The following KCNN2 variants were observed in gnomAD, a reference collection of about 807,000 sequenced individuals.
KCNN2 encodes the protein small conductance calcium-activated potassium channel protein 2.
KCNN2 carries 24 observed loss-of-function variants against 55.5 expected under a neutral mutation model. The observed-to-expected ratio is 0.43, with a 90% CI of 0.31 to 0.61. KCNN2 has a LOEUF of 0.61. Among genes scored for constraint, KCNN2 ranks in the 20% least tolerant of loss-of-function variants. The pLI is 0.08. For missense variants in KCNN2, 754 were observed against 853.6 expected (o/e 0.88, Z 1.45); for synonymous variants, 431 against 336.1 (o/e 1.28, Z -3.09).
At chr5:114,476,726 A>T (rs531038792) in intron 5 of KCNN2, among the ~76,000 whole-genome samples, 1 of 152,244 alleles carries the variant, frequency 6.6e-6, no homozygotes, top group East Asian at 1.9e-4. Flanking sequence ...TGGCCGACAG[A>T]TCCATTTAGT....
intron 1 of KCNN2, among the ~76,000 whole-genome samples, chr5:114,220,889 A>G (rs1754124381): frequency 1.3e-5 from 2 of 152,156 alleles, no homozygotes; most frequent in Non-Finnish European, 2.9e-5. Context: ...TAGGTCGAAA[A>G]GTTCCAACAT....
At chr5:114,350,662 T>C (rs1757190660) in intron 2 of KCNN2, among the ~76,000 whole-genome samples, 1 of 151,912 alleles carries the variant, frequency 6.6e-6, no homozygotes, top group Non-Finnish European at 1.5e-5. Flanking sequence ...CAGGTTCATG[T>C]TTTTGCATGT....
intron 2 of KCNN2, among the ~76,000 whole-genome samples, chr5:114,324,064 G>A (rs537151403): frequency 1.3e-5 from 2 of 152,018 alleles, no homozygotes; most frequent in Non-Finnish European, 2.9e-5. Context: ...AGACTAACAG[G>A]TATTCACAGA....
chr5:114,196,471 C>T (rs373355745), intron 1 of KCNN2, among the ~76,000 whole-genome samples: 12 of 152,036 alleles, frequency 7.9e-5, no homozygotes, highest in East Asian at 1.9e-4. Flanking sequence ...AATTCACCAA[C>T]AGGCCAAATG....
intron 2 of KCNN2, among the ~76,000 whole-genome samples, chr5:114,312,497 T>C (rs2150026571): frequency 7.5e-6 from 1 of 133,802 alleles, no homozygotes; most frequent in Non-Finnish European, 1.6e-5. Context: ...TAGTCCATCT[T>C]CTCTTGTACA....
intron 2 of KCNN2, among the ~76,000 whole-genome samples, chr5:114,380,293 G>T (rs1758077531): frequency 1.3e-5 from 2 of 152,114 alleles, no homozygotes; most frequent in African/African-American, 2.4e-5. Flanking sequence ...CTTCTTTCTG[G>T]TGGTCCATCT....
intron 3 of KCNN2, among the ~76,000 whole-genome samples, chr5:114,432,112 A>G (rs1318423490): frequency 6.6e-6 from 1 of 152,246 alleles, no homozygotes; most frequent in African/African-American, 2.4e-5. Flanking sequence ...CCTCAATTCA[A>G]CTACGTTGTT....
At chr5:114,184,568 A>G (rs1753295136) in intron 1 of KCNN2, among the ~76,000 whole-genome samples, 1 of 152,190 alleles carries the variant, frequency 6.6e-6, no homozygotes, top group African/African-American at 2.4e-5. Context: ...TGACATTTTC[A>G]TCAAATTTGC....
intron 5 of KCNN2, among the ~76,000 whole-genome samples, chr5:114,482,817 G>A (rs1222301010): frequency 1.3e-5 from 2 of 152,118 alleles, no homozygotes; most frequent in Non-Finnish European, 2.9e-5. Context: ...ATAAGTGACA[G>A]CTGAATGATG....
At chr5:114,220,807 C>T (rs1233792781) in intron 1 of KCNN2, among the ~76,000 whole-genome samples, 1 of 122,832 alleles carries the variant, frequency 8.1e-6, no homozygotes, top group Non-Finnish European at 1.6e-5. Flanking sequence ...GCCTGCCTGA[C>T]AGAGCTAGAC....
rs566199008 is a variant in KCNN2, at chr5:114,396,791, C to T, written c.1219-7647C>T. 2.0e-4 allele frequency among the ~76,000 whole-genome samples: 31 copies of T among 152,184 alleles called. No individual in the cohort carries two copies. In the East Asian group the frequency reaches 2.7e-3, roughly 13 times the overall value. On this transcript the variant is annotated intron_variant, in intron 2 of 7. Transcript: ENST00000673685. ...CGAACTCCTGACCTTGTGATCTGCC[C>T]GCCTTGGCCTCCAAAAGTGCTGGGG...
chr5:114,455,089 C>T (rs935826344), intron 3 of KCNN2, among the ~76,000 whole-genome samples: 2 of 151,954 alleles, frequency 1.3e-5, no homozygotes, highest in Non-Finnish European at 2.9e-5. Flanking sequence ...TGTGTTACTT[C>T]AGTGGTTCCT....
rs1388776307 is a variant in KCNN2, at chr5:114,115,825, A to G, written c.-271+59325A>G. Among the ~76,000 whole-genome samples, 3 of 151,962 alleles carry G rather than the reference A, an allele frequency of 2.0e-5. No individual in the cohort carries two copies. The East Asian group carries it at 5.8e-4, about 29-fold the overall frequency. On this transcript the variant is annotated intron_variant, in intron 1 of 10. Coordinates refer to the KCNN2 transcript ENST00000512097. ...CGAGGAATAAGCCACCCAGCTTTGT[A>G]TTAATATAAGCCCCTGTACTCTTGG...
chr5:114,072,325 G>T (rs139078380), intron 1 of KCNN2, among the ~76,000 whole-genome samples: 1 of 151,156 alleles, frequency 6.6e-6, no homozygotes, highest in African/African-American at 2.4e-5. Flanking sequence ...ATCCCTTCTT[G>T]CTTGTTCACC....
intron 2 of KCNN2, among the ~76,000 whole-genome samples, chr5:114,282,205 A>G (rs1259989502): frequency 6.6e-6 from 1 of 151,882 alleles, no homozygotes; most frequent in Admixed American, 6.6e-5. Flanking sequence ...TTTGTTTCTA[A>G]TTTCTTTCTT....
At chr5:114,158,998 T>A (rs373680546) in intron 1 of KCNN2, among the ~76,000 whole-genome samples, 1 of 152,112 alleles carries the variant, frequency 6.6e-6, no homozygotes, top group Non-Finnish European at 1.5e-5. Flanking sequence ...CCTTTATTTC[T>A]TTCTCCTGCC....
Position 114,362,778 on chromosome 5 carries a change from G to C in KCNN2, c.639G>C (p.Met213Ile). Residue 213 changes from methionine (M) to isoleucine (I), a missense_variant, in exon 1 of 8, where the codon ATG (methionine) becomes ATC (isoleucine). This residue lies in a region of KCNN2 where 381 missense variants were observed against 259.1 expected (regional missense o/e 1.47). Coordinates refer to ENST00000673685, the MANE Select transcript of KCNN2 (RefSeq NM_021614.4). Reference sequence around the variant, plus strand: ...GCAACCCCTTCACCGAAATAGCCATGAGCAGCTGCAGGTACAACGGGGGCG... The same window carrying C: ...GCAACCCCTTCACCGAAATAGCCATCAGCAGCTGCAGGTACAACGGGGGCG... ...RESNPFTEIAMSSCRYNGGVM... is the reference protein window; with the variant it reads ...RESNPFTEIAISSCRYNGGVM... The C allele has an allele frequency of 6.3e-7, 1 of 1,587,030 alleles. No homozygotes were observed. Among genetic ancestry groups the C allele is most frequent in the Non-Finnish European group, 8.5e-7 (1 of 1,172,264 alleles).
At chr5:114,222,646 A>G (rs919194381) in intron 2 of KCNN2, among the ~76,000 whole-genome samples, 4 of 152,174 alleles carry the variant, frequency 2.6e-5, no homozygotes, top group African/African-American at 4.8e-5. Context: ...GTATGGCACA[A>G]TTTCAGCGCA....
chr5:114,450,538 C>A (rs1214281017), intron 3 of KCNN2, among the ~76,000 whole-genome samples: 1 of 152,144 alleles, frequency 6.6e-6, no homozygotes, highest in Non-Finnish European at 1.5e-5. Flanking sequence ...TTTGATTTCC[C>A]AGAAAGTATC....
Sources: allele counts gnomAD v4.1 joint callset (sites outside exome capture counted in the v4.1 genomes callset), GRCh38; gene constraint gnomAD v4.1.1; regional missense constraint gnomAD v4.1.1; transcripts MANE v1.5; gene names NCBI Gene and HGNC (gene_info 2026-07-23, HGNC 2026-07-21).